Variants in TP63 observed in about 807,000 individuals in gnomAD.
The protein encoded by TP63 is tumor protein p63.
A neutral mutation model predicts 82.8 loss-of-function variants in TP63; 17 were observed. The observed-to-expected ratio is 0.21, with a 90% CI of 0.14 to 0.31. TP63 has a LOEUF of 0.31. TP63 is among the 10% of genes least tolerant of loss of function. The probability of loss-of-function intolerance (pLI) is 1.00; values close to 1 mark genes in which losing one functional copy is unlikely to be tolerated. For missense variants in TP63, 648 were observed against 895.3 expected, an observed-to-expected ratio of 0.72 and a Z score of 3.52; for synonymous variants, 330 against 321.7, an observed-to-expected ratio of 1.03 and a Z score of -0.28.
chr3:189,609,067 A>G, the TP63 span, among the ~76,000 whole-genome samples: 2 of 152,170 alleles, frequency 1.3e-5, no homozygotes, highest in African/African-American at 4.8e-5. Context: ...TGATTGTACC[A>G]TTGTGTTCTT....
the TP63 span, among the ~76,000 whole-genome samples, chr3:189,602,183 A>G: frequency 2.0e-5 from 3 of 152,200 alleles, no homozygotes; most frequent in African/African-American, 7.2e-5. Context: ...AAGCTAGGAG[A>G]TACTTGAAGT....
chr3:189,894,580 C>T lies in TP63; in HGVS notation c.*78C>T, dbSNP rs1373121175. Reference sequence around the variant, plus strand: ...AGCACTCCTGCTTAATCTTCAAAGCCTTCTCCCTAGCTCCTCCCCTTCCTC... The same window carrying T: ...AGCACTCCTGCTTAATCTTCAAAGCTTTCTCCCTAGCTCCTCCCCTTCCTC... On this transcript the variant is annotated 3_prime_UTR_variant, in exon 14 of 14. Transcript: ENST00000264731. 2.3e-5 allele frequency: 35 copies of T among 1,544,536 alleles called. No individual in the cohort carries two copies. Among genetic ancestry groups the T allele is most frequent in the Non-Finnish European group, 2.7e-5 (31 of 1,137,068 alleles).
intron 1 of TP63, among the ~76,000 whole-genome samples, chr3:189,664,773 T>C (rs766830598): frequency 3.9e-5 from 6 of 152,178 alleles, no homozygotes; most frequent in Non-Finnish European, 8.8e-5. Context: ...TCATAATGAA[T>C]GAAATAGTAG....
intron 1 of TP63, among the ~76,000 whole-genome samples, chr3:189,721,166 T>C (rs1287596114): frequency 1.3e-5 from 2 of 152,196 alleles, no homozygotes; most frequent in Non-Finnish European, 2.9e-5. Context: ...TAGTTATTGG[T>C]TTACAGTGGA....
At chr3:189,871,530 A>C (rs1718416467) in intron 9 of TP63, among the ~76,000 whole-genome samples, 1 of 152,204 alleles carries the variant, frequency 6.6e-6, no homozygotes, top group Non-Finnish European at 1.5e-5. Flanking sequence ...TTAATTCAAC[A>C]AAAGGTGGAG....
chr3:189,597,684 C>G, the TP63 span, among the ~76,000 whole-genome samples: 22 of 152,154 alleles, frequency 1.4e-4, no homozygotes, highest in South Asian at 3.5e-3. Context: ...CAGAACTTTG[C>G]GAGGCCAGGC....
intron 1 of TP63, among the ~76,000 whole-genome samples, chr3:189,723,637 C>A (rs996533251): frequency 6.6e-6 from 1 of 152,154 alleles, no homozygotes; most frequent in Non-Finnish European, 1.5e-5. Flanking sequence ...CATGAACCAA[C>A]CAGTCAGGTA....
Position 189,868,661 on chromosome 3 carries a change from C to T in TP63, c.1074C>T (p.Ser358=), listed in dbSNP as rs1223598729. ...PGRDRKADED[S]IRKQQVSDST... is the part of the protein sequence containing the mutation. Reference sequence around the variant, plus strand: ...GAGACAGGAAGGCGGATGAAGATAGCATCAGAAAGCAGCAAGTTTCGGACA... The same window carrying T: ...GAGACAGGAAGGCGGATGAAGATAGTATCAGAAAGCAGCAAGTTTCGGACA... Residue 358 remains serine (S), a synonymous_variant, in exon 8 of 14, where the codon AGC becomes AGT. Coordinates refer to ENST00000264731, the MANE Select transcript of TP63 (RefSeq NM_003722.5). The T allele has an allele frequency of 3.1e-6, 5 of 1,614,110 alleles. No homozygotes were observed. The South Asian group carries it at 4.4e-5, about 14-fold the overall frequency.
At chr3:189,620,138 C>T in the TP63 span, among the ~76,000 whole-genome samples, 2 of 152,152 alleles carry the variant, frequency 1.3e-5, no homozygotes, top group African/African-American at 2.4e-5. Flanking sequence ...TTTGGGAGGC[C>T]GAGGCGGGCA....
At chr3:189,856,614 GTAA>G (rs1242644368) in intron 4 of TP63, among the ~76,000 whole-genome samples, 3 of 151,872 alleles carry the variant, frequency 2.0e-5, no homozygotes, top group Non-Finnish European at 2.9e-5. Flanking sequence ...TATGTAGATC[GTAA>G]GGAAGGCATC....
intron 1 of TP63, among the ~76,000 whole-genome samples, chr3:189,698,502 A>G (rs1215137674): frequency 6.6e-6 from 1 of 152,126 alleles, no homozygotes; most frequent in Non-Finnish European, 1.5e-5. Flanking sequence ...ATGTAATGAT[A>G]CCTTTCTAAA....
chr3:189,786,780 T>C (rs942927480), intron 3 of TP63, among the ~76,000 whole-genome samples: 2 of 151,996 alleles, frequency 1.3e-5, no homozygotes, highest in Non-Finnish European at 2.9e-5. Context: ...TACTGAGGAC[T>C]TGGGACATTG....
chr3:189,739,086 G>A (rs570833246), intron 3 of TP63, among the ~76,000 whole-genome samples: 3 of 152,228 alleles, frequency 2.0e-5, no homozygotes, highest in Non-Finnish European at 2.9e-5. Context: ...CTAGCTGGTA[G>A]GGACAGCAAA....
rs2108806316 is a variant in TP63 at position 189,868,612 on chromosome 3, C to G, written c.1025C>G (p.Ala342Gly). Residue 342 changes from alanine to glycine, a missense_variant, in exon 8 of 14, where the codon GCC (alanine) becomes GGC (glycine). Ala to Gly is a moderately conservative substitution (Grantham distance 60, BLOSUM62 0). Around this residue, in one of 5 missense-constraint regions of TP63, gnomAD observed 30 missense variants for 85.4 expected, o/e 0.35. Coordinates refer to ENST00000264731, the MANE Select transcript of TP63 (RefSeq NM_003722.5). ...GTCCTGGGCCGACGCTGCTTTGAGGCCCGGATCTGTGCTTGCCCAGGAAGA... is the reference window on the plus strand; with the variant it reads ...GTCCTGGGCCGACGCTGCTTTGAGGGCCGGATCTGTGCTTGCCCAGGAAGA... ...GQVLGRRCFE[A>G]RICACPGRDR... 1 of 1,614,078 alleles carries G rather than the reference C, an allele frequency of 6.2e-7. No homozygotes were observed. The highest frequency in any genetic ancestry group is 8.5e-7 in the Non-Finnish European group (1 of 1,179,980).
chr3:189,772,967 T>G (rs1027421804), intron 3 of TP63, among the ~76,000 whole-genome samples: 3 of 152,200 alleles, frequency 2.0e-5, no homozygotes, highest in Non-Finnish European at 4.4e-5. Flanking sequence ...TCAAGGTCCC[T>G]TAGTGTAAGG....
chr3:189,893,249 G>T (rs913423027), intron 13 of TP63, among the ~76,000 whole-genome samples: 11 of 152,122 alleles, frequency 7.2e-5, no homozygotes, highest in Non-Finnish European at 1.5e-4. Context: ...AGCATCTTTT[G>T]CCCTATAAAG....
At chr3:189,626,246 C>T in the TP63 span, among the ~76,000 whole-genome samples, 1 of 152,170 alleles carries the variant, frequency 6.6e-6, no homozygotes, top group Non-Finnish European at 1.5e-5. Flanking sequence ...TTGGCTTCCA[C>T]TTTACTAAAA....
chr3:189,772,132 AAAGTTTTATGTATATCTTCCC>A (rs1480382213), intron 3 of TP63, among the ~76,000 whole-genome samples: 3 of 152,194 alleles, frequency 2.0e-5, no homozygotes, highest in Non-Finnish European at 4.4e-5. Flanking sequence ...TCCCTTTCCC[AAAGTTTTATGTATATCTTCCC>A]AAGCATAACA....
At chr3:189,789,659 CAGAGAGAGAA>C (rs1359555723) in intron 3 of TP63, 1 of 1,438,416 alleles carries the variant, frequency 7.0e-7, no homozygotes, top group Non-Finnish European at 9.1e-7. Flanking sequence ...AAATTATGTA[CAGAGAGAGAA>C]AGAGAGAGAG....
Sources: allele counts gnomAD v4.1 joint callset (sites outside exome capture counted in the v4.1 genomes callset), GRCh38; gene constraint gnomAD v4.1.1; regional missense constraint gnomAD v4.1.1; transcripts MANE v1.5; gene names NCBI Gene and HGNC (gene_info 2026-07-23, HGNC 2026-07-21).